AUTS2: variants seen among roughly 807,000 people sequenced by gnomAD.
The protein encoded by AUTS2 is activator of transcription and developmental regulator AUTS2, also known as autism susceptibility gene 2 protein.
In AUTS2, 17 loss-of-function variants were observed where a neutral mutation model predicts 112.4. The observed-to-expected ratio is 0.15, with a 90% confidence interval of 0.10 to 0.23. The LOEUF is 0.23. Among genes scored for constraint, AUTS2 ranks in the 10% least tolerant of loss-of-function variants. The pLI, the probability that AUTS2 is intolerant of heterozygous loss-of-function variation, is 1.00. For synonymous variants in AUTS2, 751 were observed against 702.7 expected (o/e 1.07, Z -1.09); for missense variants, 1,510 against 1,701.6 (o/e 0.89, Z 1.98).
At chr7:70,218,981 C>T (rs1166679015) in intron 4 of AUTS2, among the ~76,000 whole-genome samples, 3 of 152,112 alleles carry the variant, frequency 2.0e-5, no homozygotes, top group Non-Finnish European at 2.9e-5. Context: ...GTACTATTTG[C>T]TACATTTTTT....
chr7:69,943,430 A>T (rs1474473734), intron 2 of AUTS2, among the ~76,000 whole-genome samples: 1 of 152,346 alleles, frequency 6.6e-6, no homozygotes, highest in East Asian at 1.9e-4. Flanking sequence ...TCATTTGATG[A>T]ATTTACTGTT....
chr7:69,818,820 A>G (rs1790867728), intron 1 of AUTS2, among the ~76,000 whole-genome samples: 1 of 152,226 alleles, frequency 6.6e-6, no homozygotes, highest in Non-Finnish European at 1.5e-5. Context: ...AGCCATAAAC[A>G]TCTTCTATGC....
intron 4 of AUTS2, among the ~76,000 whole-genome samples, chr7:70,245,152 A>G (rs1445549213): frequency 1.5e-5 from 2 of 135,268 alleles, no homozygotes; most frequent in South Asian, 2.4e-4. Flanking sequence ...GTGTATATAT[A>G]TATATATATA....
At chr7:70,100,691 C>T (rs1025227980) in intron 2 of AUTS2, among the ~76,000 whole-genome samples, 2 of 150,358 alleles carry the variant, frequency 1.3e-5, no homozygotes, top group Non-Finnish European at 3.0e-5. Context: ...ATTTCATGTA[C>T]TGAAAAAGTA....
chr7:69,908,801 C>G (rs984534922), intron 2 of AUTS2, among the ~76,000 whole-genome samples: 2 of 152,160 alleles, frequency 1.3e-5, no homozygotes, highest in Non-Finnish European at 2.9e-5. Context: ...TTGAGATTGG[C>G]TATAATTAGA....
intron 5 of AUTS2, among the ~76,000 whole-genome samples, chr7:70,597,517 T>A (rs974924916): frequency 6.6e-6 from 1 of 152,204 alleles, no homozygotes; most frequent in Non-Finnish European, 1.5e-5. Flanking sequence ...GTTACTCAAA[T>A]TCAAAGCAGA....
chr7:70,206,244 G>A (rs1199622450), intron 4 of AUTS2, among the ~76,000 whole-genome samples: 1 of 152,128 alleles, frequency 6.6e-6, no homozygotes, highest in East Asian at 1.9e-4. Context: ...CAGCTTGAAA[G>A]TGGAGGCTTT....
chr7:70,070,875 C>A (rs1400029133), intron 2 of AUTS2, among the ~76,000 whole-genome samples: 2 of 125,360 alleles, frequency 1.6e-5, no homozygotes, highest in Admixed American at 1.7e-4. Context: ...GAGACTCCAT[C>A]TGAAAAAAAA....
At chr7:70,123,979 G>T (rs1170192088) in intron 3 of AUTS2, among the ~76,000 whole-genome samples, 1 of 152,064 alleles carries the variant, frequency 6.6e-6, no homozygotes, top group Non-Finnish European at 1.5e-5. Context: ...GTTTATAATT[G>T]TTCCCTTTTC....
At chr7:70,554,720 G>C (rs1210007320) in intron 5 of AUTS2, among the ~76,000 whole-genome samples, 1 of 152,190 alleles carries the variant, frequency 6.6e-6, no homozygotes, top group African/African-American at 2.4e-5. Context: ...GCCCTGTGCA[G>C]CCAGGCCAGG....
intron 4 of AUTS2, among the ~76,000 whole-genome samples, chr7:70,363,587 C>A (rs1332451871): frequency 6.6e-6 from 1 of 151,484 alleles, no homozygotes; most frequent in East Asian, 1.9e-4. Context: ...AGATGAAATA[C>A]CCAAATATTC....
At chr7:70,617,260 G>A (rs566856401) in intron 5 of AUTS2, among the ~76,000 whole-genome samples, 1 of 152,178 alleles carries the variant, frequency 6.6e-6, no homozygotes, top group African/African-American at 2.4e-5. Flanking sequence ...GCTGATTGAG[G>A]AAATGGTCAA....
intron 2 of AUTS2, among the ~76,000 whole-genome samples, chr7:70,102,187 C>T (rs1013181029): frequency 2.0e-5 from 3 of 146,496 alleles, no homozygotes; most frequent in African/African-American, 7.6e-5. Flanking sequence ...GGCGTGATCT[C>T]GGCTCACCGC....
chr7:69,695,123 G>T (rs1797500369), intron 1 of AUTS2, among the ~76,000 whole-genome samples: 3 of 151,964 alleles, frequency 2.0e-5, no homozygotes, highest in Admixed American at 2.0e-4. Context: ...AGGAGTTTGA[G>T]ATCAGCTTGG....
intron 6 of AUTS2, among the ~76,000 whole-genome samples, chr7:70,759,419 A>C (rs936166852): frequency 6.6e-6 from 1 of 152,238 alleles, no homozygotes; most frequent in African/African-American, 2.4e-5. Context: ...AGAAAGGCAG[A>C]ATCTAGAGCC....
At chr7:70,432,700 G>A (rs2130834444) in intron 4 of AUTS2, among the ~76,000 whole-genome samples, 1 of 152,298 alleles carries the variant, frequency 6.6e-6, no homozygotes, top group East Asian at 1.9e-4. Flanking sequence ...TTTGCTGAGT[G>A]CATTTATTGG....
chr7:69,932,827 G>A (rs917771797), intron 2 of AUTS2, among the ~76,000 whole-genome samples: 7 of 152,188 alleles, frequency 4.6e-5, no homozygotes, highest in African/African-American at 9.7e-5. Context: ...TTAAGTTACC[G>A]TTGAGAATTT....
intron 5 of AUTS2, among the ~76,000 whole-genome samples, chr7:70,620,263 T>G (rs943817756): frequency 6.6e-6 from 1 of 152,208 alleles, no homozygotes; most frequent in Non-Finnish European, 1.5e-5. Flanking sequence ...TTTACATTGT[T>G]TAGAGTCAGT....
chr7:70,339,512 T>C (rs1283249326), intron 4 of AUTS2, among the ~76,000 whole-genome samples: 2 of 152,210 alleles, frequency 1.3e-5, no homozygotes, highest in African/African-American at 4.8e-5. Context: ...GGGTCATCTA[T>C]TGTATTAATA....
Sources: allele counts gnomAD v4.1 joint callset (sites outside exome capture counted in the v4.1 genomes callset), GRCh38; gene constraint gnomAD v4.1.1; transcripts MANE v1.5; gene names NCBI Gene and HGNC (gene_info 2026-07-23, HGNC 2026-07-21).